Variants in C1orf21 observed in about 807,000 individuals in gnomAD.
The protein encoded by C1orf21 is uncharacterized protein C1orf21.
C1orf21 carries 3 observed loss-of-function variants against 18.7 expected under a neutral mutation model. The observed-to-expected ratio is 0.16, with a 90% confidence interval of 0.07 to 0.42. The LOEUF is 0.42. C1orf21 is among the 10% of genes least tolerant of loss of function. The probability of loss-of-function intolerance (pLI) is 0.99; values close to 1 mark genes in which losing one functional copy is unlikely to be tolerated. For synonymous variants in C1orf21, 41 were observed against 46.4 expected (o/e 0.88, Z 0.47); for missense variants, 104 against 143.6 (o/e 0.72, Z 1.41).
chr1:184,588,884 A>G (rs901638921), intron 3 of C1orf21, among the ~76,000 whole-genome samples: 3 of 152,108 alleles, frequency 2.0e-5, no homozygotes, highest in Admixed American at 1.3e-4. Flanking sequence ...TTGGCCCTGG[A>G]AGCGCACTCC....
intron 1 of C1orf21, among the ~76,000 whole-genome samples, chr1:184,421,151 G>A (rs1656541342): frequency 6.6e-6 from 1 of 152,148 alleles, no homozygotes; most frequent in African/African-American, 2.4e-5. Flanking sequence ...TTTAGAGACA[G>A]GGTCTTACTC....
intron 2 of C1orf21, among the ~76,000 whole-genome samples, chr1:184,480,336 G>A (rs954064914): frequency 6.6e-6 from 1 of 152,220 alleles, no homozygotes; most frequent in Admixed American, 6.5e-5. Flanking sequence ...GACAGAATTG[G>A]CTAGAAAACT....
intron 1 of C1orf21, among the ~76,000 whole-genome samples, chr1:184,403,081 T>TC (rs1571342202): frequency 6.6e-6 from 1 of 152,220 alleles, no homozygotes; most frequent in East Asian, 1.9e-4. Context: ...ATTACTGTTT[T>TC]CTTTACCAGT....
intron 1 of C1orf21, among the ~76,000 whole-genome samples, chr1:184,394,190 A>T (rs1344670541): frequency 6.6e-6 from 1 of 152,236 alleles, no homozygotes. Context: ...TGAGTGCTTT[A>T]GGGCTTTTGG....
intron 3 of C1orf21, among the ~76,000 whole-genome samples, chr1:184,539,197 A>T (rs185345424): frequency 6.7e-4 from 102 of 152,276 alleles, no homozygotes; most frequent in African/African-American, 2.3e-3. Context: ...TTGAGTGTTT[A>T]TCATGAAAGG....
At chr1:184,491,153 C>T (rs185103609) in intron 2 of C1orf21, among the ~76,000 whole-genome samples, 57 of 152,152 alleles carry the variant, frequency 3.7e-4, no homozygotes, top group African/African-American at 1.1e-3. Context: ...TATAAATAAT[C>T]AGTGAACTTT....
intron 3 of C1orf21, among the ~76,000 whole-genome samples, chr1:184,538,553 T>C (rs902256185): frequency 3.3e-5 from 5 of 152,326 alleles, no homozygotes; most frequent in African/African-American, 9.6e-5. Flanking sequence ...TCATGAAGCT[T>C]TTGCCTTATG....
chr1:184,579,093 A>G (rs1301014310), intron 3 of C1orf21, among the ~76,000 whole-genome samples: 1 of 150,500 alleles, frequency 6.6e-6, no homozygotes, highest in Non-Finnish European at 1.5e-5. Context: ...ACAGGAGTGC[A>G]GTGGCTCCAT....
Position 184,462,472 on chromosome 1 carries a change from A to T in C1orf21, c.-124-14914A>T, listed in dbSNP as rs548645036. ...CAAACCTGACTTGAGTAGCAGATCT[A>T]CAGGCCCATATCTTGGAGGTATATA... On this transcript the variant is annotated intron_variant, in intron 1 of 5. Transcript: ENST00000235307. Among the ~76,000 whole-genome samples the T allele has an allele frequency of 2.6e-5, 4 of 152,300 alleles. No individual in the cohort carries two copies. The South Asian group carries it at 8.3e-4, about 32-fold the overall frequency.
chr1:184,489,440 A>G (rs1185839182), intron 2 of C1orf21, among the ~76,000 whole-genome samples: 1 of 152,218 alleles, frequency 6.6e-6, no homozygotes, highest in East Asian at 1.9e-4. Context: ...TTGGGCAGGA[A>G]CAGGTGGCAT....
At chr1:184,602,616 A>AT (rs1659600162) in intron 5 of C1orf21, among the ~76,000 whole-genome samples, 1 of 152,196 alleles carries the variant, frequency 6.6e-6, no homozygotes, top group Admixed American at 6.5e-5. Context: ...TTTAAACTTC[A>AT]TTTTTTCACT....
At chr1:184,532,740 T>C (rs1000377852) in intron 3 of C1orf21, among the ~76,000 whole-genome samples, 1 of 152,068 alleles carries the variant, frequency 6.6e-6, no homozygotes, top group African/African-American at 2.4e-5. Context: ...AATCAAGAAC[T>C]TGTTTCTTAA....
chr1:184,399,968 C>T (rs1357917745), intron 1 of C1orf21, among the ~76,000 whole-genome samples: 1 of 151,702 alleles, frequency 6.6e-6, no homozygotes, highest in Non-Finnish European at 1.5e-5. Flanking sequence ...AAACCAATAT[C>T]AGAAATAATG....
At chr1:184,525,528 A>G (rs1284803521) in intron 3 of C1orf21, among the ~76,000 whole-genome samples, 5 of 152,140 alleles carry the variant, frequency 3.3e-5, no homozygotes, top group Non-Finnish European at 5.9e-5. Flanking sequence ...AGGTTGTGAT[A>G]TGCACAGGAA....
chr1:184,409,164 C>G (rs1656293578), intron 1 of C1orf21, among the ~76,000 whole-genome samples: 1 of 152,152 alleles, frequency 6.6e-6, no homozygotes, highest in Non-Finnish European at 1.5e-5. Flanking sequence ...CCTGGGCCAG[C>G]AGTTGCCTAG....
At chr1:184,585,279 A>G (rs1206728185) in intron 3 of C1orf21, among the ~76,000 whole-genome samples, 1 of 152,170 alleles carries the variant, frequency 6.6e-6, no homozygotes. Context: ...TGGTGTTGAC[A>G]TATGCACTGA....
chr1:184,556,974 A>C (rs528963500), intron 3 of C1orf21, among the ~76,000 whole-genome samples: 1 of 152,074 alleles, frequency 6.6e-6, no homozygotes, highest in Non-Finnish European at 1.5e-5. Context: ...AATGGCTGGT[A>C]TTTTTTTATA....
At chr1:184,408,676 T>A (rs2101960566) in intron 1 of C1orf21, among the ~76,000 whole-genome samples, 1 of 152,288 alleles carries the variant, frequency 6.6e-6, no homozygotes, top group South Asian at 2.1e-4. Context: ...CAAGGAGGGA[T>A]TTTTATCTGT....
chr1:184,562,078 G>C (rs1340605917), intron 3 of C1orf21, among the ~76,000 whole-genome samples: 1 of 152,128 alleles, frequency 6.6e-6, no homozygotes, highest in East Asian at 1.9e-4. Context: ...GGACCTATGT[G>C]TTGTGGATGC....
Sources: allele counts gnomAD v4.1 joint callset (sites outside exome capture counted in the v4.1 genomes callset), GRCh38; gene constraint gnomAD v4.1.1; transcripts MANE v1.5; gene names NCBI Gene and HGNC (gene_info 2026-07-23, HGNC 2026-07-21).